Variants in RANBP10 observed in about 807,000 individuals in gnomAD.
RANBP10 encodes the protein RAN binding protein 10.
RANBP10 carries 24 observed loss-of-function variants against 72.8 expected under a neutral mutation model. That is an observed-to-expected ratio of 0.33 (90% CI 0.24 to 0.46). The LOEUF is 0.46. Ranked by LOEUF, RANBP10 falls within the 20% of genes least tolerant of loss-of-function variation. The probability of loss-of-function intolerance (pLI) is 1.00; values close to 1 mark genes in which losing one functional copy is unlikely to be tolerated. For missense variants in RANBP10, 679 were observed against 817.5 expected (o/e 0.83, Z 2.07); for synonymous variants, 310 against 322.3 (o/e 0.96, Z 0.41).
chr16:67,742,189 C>T (rs1158558872), intron 4 of RANBP10, among the ~76,000 whole-genome samples: 1 of 151,882 alleles, frequency 6.6e-6, no homozygotes, highest in African/African-American at 2.4e-5. Flanking sequence ...GGAATACAGG[C>T]GTGAGCCACC....
chr16:67,777,265 G>A (rs1272378614), intron 2 of RANBP10, among the ~76,000 whole-genome samples: 3 of 152,030 alleles, frequency 2.0e-5, no homozygotes, highest in East Asian at 1.9e-4. Context: ...GGCTGGGCGC[G>A]GTGGCTCACG....
At chr16:67,739,532 A>C (rs974362000) in intron 4 of RANBP10, among the ~76,000 whole-genome samples, 1 of 152,286 alleles carries the variant, frequency 6.6e-6, no homozygotes, top group Non-Finnish European at 1.5e-5. Context: ...CAAGCTGGCA[A>C]AGTTCAGGTT....
chr16:67,789,878 C>G (rs770441389), intron 2 of RANBP10, among the ~76,000 whole-genome samples: 1 of 151,834 alleles, frequency 6.6e-6, no homozygotes, highest in East Asian at 1.9e-4. Flanking sequence ...ACAGGCGGAT[C>G]ACGAGGTCAG....
chr16:67,760,645 G>A (rs1597871258), intron 3 of RANBP10, among the ~76,000 whole-genome samples: 1 of 152,196 alleles, frequency 6.6e-6, no homozygotes, highest in Non-Finnish European at 1.5e-5. Flanking sequence ...AATCCCTGCT[G>A]TAGTTCTTCC....
chr16:67,794,585 C>G (rs55943723), intron 2 of RANBP10, among the ~76,000 whole-genome samples: 1 of 144,422 alleles, frequency 6.9e-6, no homozygotes, highest in African/African-American at 2.6e-5. Context: ...TGCAGTGGCA[C>G]GATCTCGGCT....
intron 2 of RANBP10, among the ~76,000 whole-genome samples, chr16:67,773,011 A>C (rs1472144493): frequency 6.6e-6 from 1 of 152,220 alleles, no homozygotes. Context: ...TGTATTCTGC[A>C]ATGTGAGAAA....
chr16:67,796,057 C>T (rs1006606501), intron 2 of RANBP10, among the ~76,000 whole-genome samples: 41 of 151,314 alleles, frequency 2.7e-4, no homozygotes, highest in Admixed American at 5.9e-4. Context: ...GCTGGGATTA[C>T]AGGCGCCTGC....
At chr16:67,782,386 C>T (rs939918473) in intron 2 of RANBP10, among the ~76,000 whole-genome samples, 2 of 152,156 alleles carry the variant, frequency 1.3e-5, no homozygotes, top group Non-Finnish European at 2.9e-5. Flanking sequence ...CTTGGCCTCC[C>T]AAAATGCTTG....
chr16:67,785,616 T>C (rs148013155), intron 2 of RANBP10, among the ~76,000 whole-genome samples: 1 of 151,222 alleles, frequency 6.6e-6, no homozygotes, highest in Non-Finnish European at 1.5e-5. Context: ...TAATTCCAGC[T>C]ACTCAGGAGG....
At chr16:67,747,628 C>T (rs1476772771) in intron 3 of RANBP10, among the ~76,000 whole-genome samples, 7 of 151,974 alleles carry the variant, frequency 4.6e-5, no homozygotes, top group South Asian at 2.1e-4. Context: ...CTCAGACTTC[C>T]GAGTAGCTGG....
chr16:67,790,333 A>G (rs138700492), intron 2 of RANBP10, among the ~76,000 whole-genome samples: 2 of 151,876 alleles, frequency 1.3e-5, no homozygotes, highest in Non-Finnish European at 2.9e-5. Flanking sequence ...ATGGGTACAG[A>G]GTTTCTGTTT....
chr16:67,748,241 C>T (rs993926634), intron 3 of RANBP10, among the ~76,000 whole-genome samples: 4 of 151,682 alleles, frequency 2.6e-5, no homozygotes, highest in Non-Finnish European at 4.4e-5. Context: ...TTATTCTGGC[C>T]GGATGCAGTG....
chr16:67,791,368 A>G (rs1321817726), intron 2 of RANBP10, among the ~76,000 whole-genome samples: 1 of 152,180 alleles, frequency 6.6e-6, no homozygotes, highest in African/African-American at 2.4e-5. Context: ...TGGCAAGCCT[A>G]TGGGCACTTT....
In RANBP10 at chr16:67,723,359, G is replaced by A. The variant is rs2053557771; in HGVS notation, c.*3069C>T. 6.5e-6 allele frequency: 1 copy of A among 152,710 alleles called. No homozygotes were observed. The highest frequency in any genetic ancestry group is 1.5e-5 in the Non-Finnish European group (1 of 68,056). The allele number at this position is 152,710 out of a possible 1,614,324, so 9.5% of individuals were successfully genotyped here. A position where few individuals can be genotyped will look rare whatever the true frequency, so the allele number is the denominator to read the frequency against. ...GCCAGAGGCCACAATCTGGCCACAG[G>A]TCTGGGTGCATGAGACTGGCAGTCT... On this transcript the variant is annotated 3_prime_UTR_variant, in exon 14 of 14. Coordinates refer to ENST00000317506, the MANE Select transcript of RANBP10 (RefSeq NM_020850.3).
intron 3 of RANBP10, among the ~76,000 whole-genome samples, chr16:67,763,720 A>G (rs951720977): frequency 6.6e-6 from 1 of 152,120 alleles, no homozygotes; most frequent in Non-Finnish European, 1.5e-5. Context: ...TTTGAGACAG[A>G]GTCTCACTCT....
At chr16:67,776,194 T>C (rs1012362236) in intron 2 of RANBP10, among the ~76,000 whole-genome samples, 1 of 150,584 alleles carries the variant, frequency 6.6e-6, no homozygotes, top group Non-Finnish European at 1.5e-5. Flanking sequence ...GTGTGGTAGC[T>C]CACACCTGTA....
At chr16:67,759,242 C>T (rs527271066) in intron 3 of RANBP10, among the ~76,000 whole-genome samples, 3 of 152,316 alleles carry the variant, frequency 2.0e-5, no homozygotes, top group Admixed American at 6.5e-5. Context: ...AGGGGTCTCT[C>T]GGAACGAGAA....
At chr16:67,754,822 T>A (rs899461932) in intron 3 of RANBP10, among the ~76,000 whole-genome samples, 18 of 152,166 alleles carry the variant, frequency 1.2e-4, no homozygotes, top group African/African-American at 4.1e-4. Context: ...CAGTCACTCA[T>A]CCTCAGACCT....
intron 2 of RANBP10, among the ~76,000 whole-genome samples, chr16:67,775,595 T>C (rs1458415797): frequency 2.6e-5 from 4 of 151,144 alleles, no homozygotes; most frequent in African/African-American, 7.3e-5. Flanking sequence ...GGAAGATCGC[T>C]TGAGCCCAAG....
Sources: allele counts gnomAD v4.1 joint callset (sites outside exome capture counted in the v4.1 genomes callset), GRCh38; gene constraint gnomAD v4.1.1; transcripts MANE v1.5; gene names NCBI Gene and HGNC (gene_info 2026-07-23, HGNC 2026-07-21).